Variants in MAST4 observed in about 807,000 individuals in gnomAD.
MAST4 encodes the protein microtubule associated serine/threonine kinase family member 4, also known as microtubule-associated serine/threonine-protein kinase 4.
Under a neutral mutation model 162.7 loss-of-function variants are expected in MAST4, and 89 were observed. The ratio of observed to expected loss-of-function variants is 0.55; its 90% CI spans 0.46 to 0.65. The LOEUF (loss-of-function observed/expected upper bound fraction) is 0.65. Among genes scored for constraint, MAST4 ranks in the 30% least tolerant of loss-of-function variants. The pLI, the probability that MAST4 is intolerant of heterozygous loss-of-function variation, is 0.00. For synonymous variants in MAST4, 1,479 were observed against 1,361.1 expected, an observed-to-expected ratio of 1.09 and a Z score of -1.91; for missense variants, 3,153 against 3,374.0, an observed-to-expected ratio of 0.93 and a Z score of 1.62.
At chr5:66,756,464 G>A (rs1241195768) in intron 1 of MAST4, among the ~76,000 whole-genome samples, 1 of 152,200 alleles carries the variant, frequency 6.6e-6, no homozygotes, top group African/African-American at 2.4e-5. Context: ...TTGAACATCA[G>A]TGAAAGTTTC....
intron 1 of MAST4, among the ~76,000 whole-genome samples, chr5:66,614,874 C>T (rs761271649): frequency 1.2e-4 from 19 of 152,176 alleles, no homozygotes; most frequent in Middle Eastern, 3.4e-3. Context: ...TTCTCTGCAG[C>T]GAAAGACAAG....
intron 10 of MAST4, among the ~76,000 whole-genome samples, chr5:67,105,145 C>G (rs977693111): frequency 2.0e-5 from 3 of 152,122 alleles, no homozygotes; most frequent in African/African-American, 7.2e-5. Flanking sequence ...TGATAACACC[C>G]AGGACAGGAA....
At chr5:67,074,139 T>G (rs1405972573) in intron 5 of MAST4, among the ~76,000 whole-genome samples, 1 of 151,704 alleles carries the variant, frequency 6.6e-6, no homozygotes, top group Non-Finnish European at 1.5e-5. Flanking sequence ...CCTAAATAAA[T>G]AGGCAAAGGA....
At chr5:66,631,496 G>T (rs1480591127) in intron 1 of MAST4, among the ~76,000 whole-genome samples, 2 of 152,190 alleles carry the variant, frequency 1.3e-5, no homozygotes, top group African/African-American at 4.8e-5. Context: ...AGGAGCCACA[G>T]TAGGGCTGAG....
intron 4 of MAST4, among the ~76,000 whole-genome samples, chr5:66,929,931 C>A (rs1206171522): frequency 1.3e-5 from 2 of 152,206 alleles, no homozygotes; most frequent in Non-Finnish European, 2.9e-5. Context: ...AAGCGATAAA[C>A]TATTTTGCTT....
intron 5 of MAST4, among the ~76,000 whole-genome samples, chr5:67,067,207 A>G (rs1226841214): frequency 6.6e-6 from 1 of 152,194 alleles, no homozygotes; most frequent in Non-Finnish European, 1.5e-5. Context: ...GCTGACAATT[A>G]ATGATATGCT....
At position 66,596,977 on chromosome 5, in the gene MAST4, C is replaced by G. The variant is rs1013703589; in HGVS notation, c.322C>G (p.Pro108Ala). The change falls in exon 1 of 29, where the codon CCC becomes GCC. Residue 108 changes from proline to alanine, a missense_variant. Physicochemically the swap from Pro to Ala is conservative, Grantham distance 27. Around this residue, in one of 7 missense-constraint regions of MAST4, gnomAD observed 327 missense variants for 336.5 expected, o/e 0.97. Coordinates refer to ENST00000403625, the MANE Select transcript of MAST4 (RefSeq NM_001164664.2). ...PLPGGAVPPAPRGSSASQEEQ... is the reference protein window; with the variant it reads ...PLPGGAVPPAARGSSASQEEQ... ...TCCCGGAGGAGCTGTGCCGCCCGCGCCCCGGGGCAGCAGCGCGTCCCAGGA... is the reference window on the plus strand; with the variant it reads ...TCCCGGAGGAGCTGTGCCGCCCGCGGCCCGGGGCAGCAGCGCGTCCCAGGA... 3 of 1,449,672 alleles carry G rather than the reference C, an allele frequency of 2.1e-6. No individual in the cohort carries two copies. In the African/African-American group the frequency reaches 4.4e-5, roughly 21 times the overall value. The allele number at this position is 1,449,672 out of a possible 1,614,324, so 89.8% of individuals were successfully genotyped here. A position where few individuals can be genotyped will look rare whatever the true frequency, so the allele number is the denominator to read the frequency against.
At chr5:66,748,535 C>A (rs1752935975) in intron 1 of MAST4, among the ~76,000 whole-genome samples, 1 of 150,690 alleles carries the variant, frequency 6.6e-6, no homozygotes, top group Non-Finnish European at 1.5e-5. Flanking sequence ...TGTCGCCAGG[C>A]TGGAGTGCAG....
At chr5:66,959,429 A>G in intron 4 of MAST4, 1 of 692,812 alleles carries the variant, frequency 1.4e-6, no homozygotes. Flanking sequence ...ACATGTCTTA[A>G]ATGCATGGCA....
chr5:66,935,454 C>T (rs745441755), intron 4 of MAST4, among the ~76,000 whole-genome samples: 5 of 152,052 alleles, frequency 3.3e-5, no homozygotes, highest in Non-Finnish European at 5.9e-5. Context: ...TGCCCTTTTC[C>T]AACCTGGTTA....
intron 4 of MAST4, among the ~76,000 whole-genome samples, chr5:66,957,835 A>G (rs968568379): frequency 1.3e-5 from 2 of 152,224 alleles, no homozygotes; most frequent in African/African-American, 4.8e-5. Flanking sequence ...GCCCAGAGCC[A>G]GGTGCAGGCA....
intron 14 of MAST4, among the ~76,000 whole-genome samples, chr5:67,129,933 C>G (rs916123286): frequency 1.3e-5 from 2 of 152,070 alleles, no homozygotes; most frequent in African/African-American, 4.8e-5. Context: ...AAATAGGTCA[C>G]TTTGGGGACT....
chr5:66,665,037 G>C (rs976141310), intron 1 of MAST4, among the ~76,000 whole-genome samples: 1 of 152,114 alleles, frequency 6.6e-6, no homozygotes, highest in African/African-American at 2.4e-5. Flanking sequence ...TGAAAGAAGA[G>C]GAAAGGTGGA....
chr5:66,740,459 A>G (rs1335131944), intron 1 of MAST4, among the ~76,000 whole-genome samples: 2 of 152,182 alleles, frequency 1.3e-5, no homozygotes, highest in Non-Finnish European at 2.9e-5. Flanking sequence ...TAATATTCTC[A>G]TTAACCATCA....
chr5:67,116,133 C>T (rs1368244652), intron 12 of MAST4, among the ~76,000 whole-genome samples: 1 of 152,132 alleles, frequency 6.6e-6, no homozygotes, highest in Admixed American at 6.5e-5. Flanking sequence ...AGTTTAATCA[C>T]TGGGAGTTGT....
chr5:66,716,179 G>A (rs1184196966), intron 1 of MAST4, among the ~76,000 whole-genome samples: 1 of 152,064 alleles, frequency 6.6e-6, no homozygotes, highest in Non-Finnish European at 1.5e-5. Context: ...TAAAAGGGAA[G>A]GTTGTTCATG....
At chr5:66,868,301 G>T (rs1273867477) in intron 3 of MAST4, among the ~76,000 whole-genome samples, 1 of 151,964 alleles carries the variant, frequency 6.6e-6, no homozygotes, top group Non-Finnish European at 1.5e-5. Flanking sequence ...AAGCAGGCAT[G>T]TTCAGCTTCT....
Position 67,165,811 on chromosome 5 carries a change from C to T in MAST4, c.6632C>T (p.Ser2211Phe), listed in dbSNP as rs56100695. ...GPPKTKHPDRSLSSQKPSVGA... is the reference protein window; with the variant it reads ...GPPKTKHPDRFLSSQKPSVGA... ...CCAAAGACTAAGCACCCCGACCGGT[C>T]CCTCTCCTCTCAGAAACCAAGTGTC... is the stretch of plus-strand genomic sequence containing the variant. Residue 2211 changes from serine to phenylalanine, a missense_variant, in exon 29 of 29, where the codon TCC becomes TTC. Around this residue, in one of 7 missense-constraint regions of MAST4, gnomAD observed 1,644 missense variants for 1,495.0 expected, o/e 1.10. Coordinates refer to ENST00000403625, the MANE Select transcript of MAST4 (RefSeq NM_001164664.2). 10 of 1,612,480 alleles carry T rather than the reference C, an allele frequency of 6.2e-6. No individual in the cohort carries two copies. In the East Asian group the frequency reaches 1.6e-4, roughly 25 times the overall value.
At chr5:66,994,739 A>G (rs1210002739) in intron 4 of MAST4, among the ~76,000 whole-genome samples, 2 of 152,380 alleles carry the variant, frequency 1.3e-5, no homozygotes, top group African/African-American at 4.8e-5. Flanking sequence ...CTCATGGGAA[A>G]TAACAAGTTA....
Sources: gnomAD v4.1 joint callset for allele counts (sites outside exome capture counted in the v4.1 genomes callset) on GRCh38, gnomAD v4.1.1 for gene constraint, gnomAD v4.1.1 regional missense constraint, MANE v1.5 for transcripts, NCBI Gene and HGNC (gene_info 2026-07-23, HGNC 2026-07-21) for gene names.